PDSS2: variants seen among roughly 807,000 people sequenced by gnomAD.
PDSS2 encodes decaprenyl diphosphate synthase subunit 2.
In PDSS2, 31 loss-of-function variants were observed where a neutral mutation model predicts 44.5. The observed-to-expected ratio is 0.70, with a 90% confidence interval of 0.52 to 0.94. The LOEUF is 0.94. Among genes scored for constraint, PDSS2 ranks in the 40% least tolerant of loss-of-function variants. PDSS2 has a pLI of 0.00. For missense variants in PDSS2, 452 were observed against 482.2 expected, an observed-to-expected ratio of 0.94 and a Z score of 0.59; for synonymous variants, 157 against 180.3, an observed-to-expected ratio of 0.87 and a Z score of 1.03.
chr6:107,210,570 T>C lies in PDSS2; in HGVS notation c.877A>G (p.Ile293Val). The change falls in exon 6 of 8, where the codon ATA becomes GTA. Residue 293 changes from isoleucine to valine, a missense_variant and splice_region_variant. Transcript: ENST00000369037. ...ATAAAAGGCTGGACATCAGAATTTA[T>C]CTACAAGAAGCAATTAAATGAGTAA... is the stretch of plus-strand genomic sequence containing the variant. ...YGKHMAMSHK[I>V]NSDVQPFIKE... 3 of 1,588,552 alleles carry C rather than the reference T, an allele frequency of 1.9e-6. No homozygotes were observed. The highest frequency in any genetic ancestry group is 8.6e-7 in the Non-Finnish European group (1 of 1,157,126).
chr6:107,405,928 C>T (rs552688402), intron 1 of PDSS2, among the ~76,000 whole-genome samples: 1 of 151,208 alleles, frequency 6.6e-6, no homozygotes, highest in Admixed American at 6.6e-5. Context: ...GACAAAAATT[C>T]ACCTTACTAG....
intron 1 of PDSS2, among the ~76,000 whole-genome samples, chr6:107,375,355 A>C (rs1242641970): frequency 6.6e-6 from 1 of 152,174 alleles, no homozygotes; most frequent in Non-Finnish European, 1.5e-5. Context: ...AAATAAAGAA[A>C]GAAGACACAA....
chr6:107,329,830 C>A (rs139288951), intron 2 of PDSS2, among the ~76,000 whole-genome samples: 284 of 151,934 alleles, frequency 1.9e-3, no homozygotes, highest in East Asian at 7.4e-3. Flanking sequence ...TACTTCTATA[C>A]CCCACGTCTT....
chr6:107,238,328 C>T (rs1312425448), intron 4 of PDSS2, among the ~76,000 whole-genome samples: 5 of 152,138 alleles, frequency 3.3e-5, no homozygotes, highest in African/African-American at 7.2e-5. Context: ...CTCCAAATCA[C>T]CCCCAGGTTT....
intron 2 of PDSS2, among the ~76,000 whole-genome samples, chr6:107,276,137 AGAAAAG>A (rs1562428088): frequency 3.5e-5 from 5 of 142,740 alleles, no homozygotes; most frequent in Non-Finnish European, 6.1e-5. Flanking sequence ...AGAAAAGAAA[AGAAAAG>A]AAAAGGAAGC....
At chr6:107,170,473 C>T (rs1438475555) in intron 7 of PDSS2, among the ~76,000 whole-genome samples, 1 of 152,186 alleles carries the variant, frequency 6.6e-6, no homozygotes, top group Non-Finnish European at 1.5e-5. Flanking sequence ...CGGTGCACTG[C>T]ACCCACTGTC....
chr6:107,438,622 C>T (rs953251535), intron 1 of PDSS2, among the ~76,000 whole-genome samples: 6 of 152,136 alleles, frequency 3.9e-5, no homozygotes, highest in African/African-American at 9.7e-5. Context: ...TCGAGACCCA[C>T]GGTTCCTTGA....
chr6:107,333,995 T>C (rs988041320), intron 2 of PDSS2, among the ~76,000 whole-genome samples: 1 of 152,108 alleles, frequency 6.6e-6, no homozygotes, highest in Non-Finnish European at 1.5e-5. Context: ...TTCACACAAA[T>C]GTGTGAAGAA....
chr6:107,234,038 T>A (rs1340030894), intron 4 of PDSS2, among the ~76,000 whole-genome samples: 1 of 152,078 alleles, frequency 6.6e-6, no homozygotes, highest in African/African-American at 2.4e-5. Context: ...ATCTGTATCA[T>A]TAGTAATTAT....
chr6:107,360,119 A>T (rs1484057018), intron 1 of PDSS2, among the ~76,000 whole-genome samples: 2 of 152,176 alleles, frequency 1.3e-5, no homozygotes, highest in Non-Finnish European at 2.9e-5. Flanking sequence ...ACCACCTCAA[A>T]TTTCACACTT....
chr6:107,458,189 A>G (rs541446359), intron 1 of PDSS2, among the ~76,000 whole-genome samples: 2,034 of 151,798 alleles, frequency 0.013, 26 homozygotes, highest in Middle Eastern at 0.024. Flanking sequence ...AGTGGAAGAA[A>G]AAAAAAAAAC....
intron 1 of PDSS2, among the ~76,000 whole-genome samples, chr6:107,425,699 C>T (rs1299424934): frequency 1.3e-5 from 2 of 152,186 alleles, no homozygotes; most frequent in Non-Finnish European, 2.9e-5. Flanking sequence ...ATTTTCCTCA[C>T]ACCTGTAATC....
intron 7 of PDSS2, among the ~76,000 whole-genome samples, chr6:107,187,520 C>G (rs1772211063): frequency 6.6e-6 from 1 of 152,108 alleles, no homozygotes; most frequent in South Asian, 2.1e-4. Context: ...CAAAAATTAG[C>G]TGGGTGTGGT....
intron 6 of PDSS2, among the ~76,000 whole-genome samples, chr6:107,194,348 TTTC>T (rs1360984443): frequency 6.6e-5 from 10 of 152,356 alleles, no homozygotes; most frequent in South Asian, 6.2e-4. Flanking sequence ...ATTATTATCA[TTTC>T]TTCTTTTTTG....
intron 4 of PDSS2, among the ~76,000 whole-genome samples, chr6:107,226,444 A>C (rs1237922197): frequency 6.6e-6 from 1 of 152,214 alleles, no homozygotes; most frequent in Non-Finnish European, 1.5e-5. Context: ...AGGACATGAC[A>C]CTTGAGCTGA....
intron 2 of PDSS2, among the ~76,000 whole-genome samples, chr6:107,280,484 A>T (rs1775925780): frequency 6.6e-6 from 1 of 152,172 alleles, no homozygotes; most frequent in African/African-American, 2.4e-5. Context: ...TTTTTCACCA[A>T]ATCACTTTCT....
intron 1 of PDSS2, among the ~76,000 whole-genome samples, chr6:107,453,460 A>G (rs1781939508): frequency 6.6e-6 from 1 of 151,096 alleles, no homozygotes; most frequent in Non-Finnish European, 1.5e-5. Flanking sequence ...TAGAGAAAGA[A>G]AAAAAAAAAC....
In PDSS2 at chr6:107,243,173, A is replaced by G. The variant is rs564937146; in HGVS notation, c.702+2375T>C. On this transcript the variant is annotated intron_variant, in intron 4 of 7. Transcript: ENST00000369037. Reference sequence around the variant, plus strand: ...TGAGAGTCAAGAAAAACCTGGGTTCATTATGAACTGTGAAACATGTTAATA... The same window carrying G: ...TGAGAGTCAAGAAAAACCTGGGTTCGTTATGAACTGTGAAACATGTTAATA... 1.0e-3 allele frequency among the ~76,000 whole-genome samples: 152 copies of G among 152,338 alleles called. 1 individual carries two copies. Among genetic ancestry groups the G allele is most frequent in the Non-Finnish European group, 1.8e-3 (125 of 68,024 alleles).
At chr6:107,428,259 C>T (rs1781065537) in intron 1 of PDSS2, among the ~76,000 whole-genome samples, 1 of 152,182 alleles carries the variant, frequency 6.6e-6, no homozygotes, top group Non-Finnish European at 1.5e-5. Flanking sequence ...AGTGGTATAG[C>T]TTCAAAAAGC....
Sources: gnomAD v4.1 joint callset for allele counts (sites outside exome capture counted in the v4.1 genomes callset) on GRCh38, gnomAD v4.1.1 for gene constraint, MANE v1.5 for transcripts, NCBI Gene and HGNC (gene_info 2026-07-23, HGNC 2026-07-21) for gene names.